NAALADL2: variants seen among roughly 807,000 people sequenced by gnomAD.
NAALADL2 encodes the protein inactive N-acetylated-alpha-linked acidic dipeptidase-like protein 2.
NAALADL2 carries 76 observed loss-of-function variants against 87.2 expected under a neutral mutation model. The observed-to-expected ratio is 0.87, with a 90% CI of 0.72 to 1.05. The LOEUF (loss-of-function observed/expected upper bound fraction) is 1.05, where lower values mean the gene tolerates loss of function less well. NAALADL2 is among the 50% of genes least tolerant of loss of function. NAALADL2 has a pLI of 0.00. For missense variants in NAALADL2, 1,089 were observed against 945.8 expected (o/e 1.15, Z -1.99); for synonymous variants, 354 against 331.0 (o/e 1.07, Z -0.75).
upstream of NAALADL2, among the ~76,000 whole-genome samples, chr3:174,855,864 A>G (rs1350522346): frequency 1.3e-5 from 2 of 149,304 alleles, no homozygotes; most frequent in Admixed American, 6.7e-5. Flanking sequence ...ATATGTGTAT[A>G]TATGTATATA....
At chr3:174,960,309 T>C (rs973776869) in intron 1 of NAALADL2, among the ~76,000 whole-genome samples, 1 of 152,084 alleles carries the variant, frequency 6.6e-6, no homozygotes. Context: ...ATAGAAAATA[T>C]CATAGTTGAT....
intron 2 of NAALADL2, among the ~76,000 whole-genome samples, chr3:174,669,106 G>A (rs966664787): frequency 3.9e-5 from 6 of 152,104 alleles, no homozygotes; most frequent in Non-Finnish European, 7.4e-5. Flanking sequence ...TGTAATGATT[G>A]CCATTCTAAC....
intron 10 of NAALADL2, among the ~76,000 whole-genome samples, chr3:175,594,483 T>A (rs1170384020): frequency 6.6e-6 from 1 of 152,192 alleles, no homozygotes; most frequent in East Asian, 1.9e-4. Flanking sequence ...TGAGTACCCT[T>A]GTCTTTTTGG....
intron 1 of NAALADL2, among the ~76,000 whole-genome samples, chr3:174,885,768 A>G (rs550330720): frequency 1.3e-5 from 2 of 151,828 alleles, no homozygotes; most frequent in Non-Finnish European, 2.9e-5. Context: ...AATGGAATAT[A>G]TAATATAGTC....
intron 10 of NAALADL2, among the ~76,000 whole-genome samples, chr3:175,600,594 G>C (rs1031427151): frequency 8.3e-6 from 1 of 120,778 alleles, no homozygotes; most frequent in African/African-American, 3.1e-5. Context: ...CTGGAGTCCA[G>C]TGGCGCGATC....
chr3:174,663,125 CAT>C (rs1044003470), intron 2 of NAALADL2, among the ~76,000 whole-genome samples: 8 of 152,046 alleles, frequency 5.3e-5, no homozygotes, highest in East Asian at 1.9e-4. Flanking sequence ...CATTTAAAAA[CAT>C]AAATTTACTT....
intron 2 of NAALADL2, among the ~76,000 whole-genome samples, chr3:174,685,192 C>T (rs760937939): frequency 6.6e-6 from 1 of 152,078 alleles, no homozygotes; most frequent in African/African-American, 2.4e-5. Context: ...TAATAGAAAT[C>T]TCATGTGATC....
At position 175,178,000 on chromosome 3, in the gene NAALADL2, G is replaced by A. The variant is rs115333971; in HGVS notation, c.546-55931G>A. Among the ~76,000 whole-genome samples, 1,493 of 152,146 alleles carry A rather than the reference G, an allele frequency of 9.8e-3. 19 individuals carry two copies. Among genetic ancestry groups the A allele is most frequent in the African/African-American group, 0.034 (1,398 of 41,522 alleles). On this transcript the variant is annotated intron_variant, in intron 2 of 13. Coordinates refer to ENST00000454872, the MANE Select transcript of NAALADL2 (RefSeq NM_207015.3). ...CTGTGCTAGCTACAGTATAAGAGCT[G>A]TTTTGGAGCATGGATTCAGGAGCCA...
chr3:174,992,123 T>G (rs1338032054), intron 1 of NAALADL2, among the ~76,000 whole-genome samples: 2 of 152,052 alleles, frequency 1.3e-5, no homozygotes, highest in South Asian at 2.1e-4. Context: ...AATACACAGG[T>G]GACTCTGAGA....
intron 1 of NAALADL2, among the ~76,000 whole-genome samples, chr3:174,510,893 C>T (rs963315165): frequency 8.6e-5 from 13 of 151,708 alleles, no homozygotes; most frequent in South Asian, 8.3e-4. Context: ...TGTGACATGA[C>T]GTGTGTTCAT....
chr3:175,159,405 C>G (rs993262596), intron 2 of NAALADL2, among the ~76,000 whole-genome samples: 4 of 152,106 alleles, frequency 2.6e-5, no homozygotes, highest in Non-Finnish European at 4.4e-5. Flanking sequence ...GGAATTGAAA[C>G]TTTATTAGAA....
At position 175,457,160 on chromosome 3, in the gene NAALADL2, T is replaced by C. The variant is rs1722436763; in HGVS notation, c.1235-6241T>C. Among the ~76,000 whole-genome samples the C allele has an allele frequency of 2.0e-5, 3 of 152,160 alleles. No individual in the cohort carries two copies. In the South Asian group the frequency reaches 6.2e-4, roughly 32 times the overall value. On this transcript the variant is annotated intron_variant, in intron 6 of 13. Coordinates refer to ENST00000454872, the MANE Select transcript of NAALADL2 (RefSeq NM_207015.3). ...ATCCAACGTTCGTCACTGTCTAATATGGGCTATTCACCCTACATCAAATGT... is the reference window on the plus strand; with the variant it reads ...ATCCAACGTTCGTCACTGTCTAATACGGGCTATTCACCCTACATCAAATGT...
intron 1 of NAALADL2, among the ~76,000 whole-genome samples, chr3:174,991,018 A>T (rs1262537996): frequency 6.6e-6 from 1 of 152,190 alleles, no homozygotes; most frequent in East Asian, 1.9e-4. Flanking sequence ...TGTATGCATT[A>T]TACGTAAATA....
intron 2 of NAALADL2, among the ~76,000 whole-genome samples, chr3:174,684,146 TTCTC>T (rs1183861241): frequency 1.4e-4 from 22 of 152,148 alleles, no homozygotes; most frequent in African/African-American, 4.8e-4. Context: ...ATTCACATTT[TTCTC>T]TCTAATATTA....
intron 6 of NAALADL2, among the ~76,000 whole-genome samples, chr3:175,448,242 A>C (rs745829746): frequency 1.4e-4 from 22 of 152,258 alleles, no homozygotes; most frequent in Non-Finnish European, 2.6e-4. Context: ...CAATTAAACA[A>C]GGTGGGAAAA....
At chr3:174,928,754 A>G (rs1219841899) in intron 1 of NAALADL2, among the ~76,000 whole-genome samples, 1 of 152,206 alleles carries the variant, frequency 6.6e-6, no homozygotes, top group Non-Finnish European at 1.5e-5. Context: ...AATTGTAATT[A>G]TAACAAAAAG....
At chr3:175,061,981 G>A (rs1713590138) in intron 1 of NAALADL2, among the ~76,000 whole-genome samples, 1 of 152,068 alleles carries the variant, frequency 6.6e-6, no homozygotes, top group African/African-American at 2.4e-5. Context: ...GATCACAGGT[G>A]CAAGGGAAGC....
chr3:175,411,804 T>C (rs957471821), intron 5 of NAALADL2, among the ~76,000 whole-genome samples: 2 of 152,076 alleles, frequency 1.3e-5, no homozygotes, highest in African/African-American at 4.8e-5. Flanking sequence ...CACTGACTAA[T>C]TGGTCAATGT....
chr3:175,114,926 T>G lies in NAALADL2; in HGVS notation c.545+17635T>G, dbSNP rs142085920. 3.8e-3 allele frequency among the ~76,000 whole-genome samples: 582 copies of G among 151,772 alleles called. 4 individuals are homozygous for G. The highest frequency in any genetic ancestry group is 0.013 in the African/African-American group (559 of 41,478). The stretch of plus-strand genomic sequence containing the variant: ...ATCACAAAAGAAAACTTTATAGTTT[T>G]GTTTTCTCTTTACGAATTACATTAC... On this transcript the variant is annotated intron_variant, in intron 2 of 13. Transcript: ENST00000454872.
Sources: gnomAD v4.1 joint callset for allele counts (sites outside exome capture counted in the v4.1 genomes callset) on GRCh38, gnomAD v4.1.1 for gene constraint, MANE v1.5 for transcripts, NCBI Gene and HGNC (gene_info 2026-07-23, HGNC 2026-07-21) for gene names.